Variants in EXT1 observed in about 807,000 individuals in gnomAD.
The protein encoded by EXT1 is exostosin-1.
In EXT1, 20 loss-of-function variants were observed where a neutral mutation model predicts 82.5. The ratio of observed to expected loss-of-function variants is 0.24; its 90% confidence interval spans 0.17 to 0.35. The LOEUF (loss-of-function observed/expected upper bound fraction) is 0.35. Among genes scored for constraint, EXT1 ranks in the 10% least tolerant of loss-of-function variants. EXT1 has a pLI of 1.00. For missense variants in EXT1, 757 were observed against 936.5 expected (o/e 0.81, Z 2.50); for synonymous variants, 348 against 350.8 (o/e 0.99, Z 0.09).
At chr8:118,015,864 T>C (rs1815993404) in intron 1 of EXT1, among the ~76,000 whole-genome samples, 1 of 152,076 alleles carries the variant, frequency 6.6e-6, no homozygotes, top group African/African-American at 2.4e-5. Flanking sequence ...AAGAAGAGAA[T>C]GCCATGTGAA....
chr8:118,066,052 C>T (rs147395366), intron 1 of EXT1, among the ~76,000 whole-genome samples: 40 of 152,294 alleles, frequency 2.6e-4, no homozygotes, highest in Non-Finnish European at 5.0e-4. Flanking sequence ...GCTATCACAT[C>T]TGTTTGAAAA....
chr8:118,084,719 G>A (rs1219470288), intron 1 of EXT1, among the ~76,000 whole-genome samples: 1 of 152,184 alleles, frequency 6.6e-6, no homozygotes, highest in African/African-American at 2.4e-5. Flanking sequence ...TGATTCCAGA[G>A]CCCAGTTCAT....
At chr8:117,923,725 CAAA>C (rs1194258802) in intron 1 of EXT1, among the ~76,000 whole-genome samples, 5 of 108,954 alleles carry the variant, frequency 4.6e-5, no homozygotes, top group Admixed American at 2.0e-4. Context: ...GACTCTGTCT[CAAA>C]AAAAAAAAAA....
chr8:117,988,860 C>G (rs1479549401), intron 1 of EXT1, among the ~76,000 whole-genome samples: 1 of 152,142 alleles, frequency 6.6e-6, no homozygotes, highest in East Asian at 1.9e-4. Flanking sequence ...CACACAGAGA[C>G]AGTCTAGGGG....
chr8:118,095,561 A>G (rs1454478816), intron 1 of EXT1, among the ~76,000 whole-genome samples: 1 of 152,224 alleles, frequency 6.6e-6, no homozygotes, highest in East Asian at 1.9e-4. Flanking sequence ...CATGTAGCAT[A>G]TAAGAAATGG....
At chr8:117,915,405 C>A (rs1198073392) in intron 1 of EXT1, among the ~76,000 whole-genome samples, 1 of 151,758 alleles carries the variant, frequency 6.6e-6, no homozygotes, top group Non-Finnish European at 1.5e-5. Flanking sequence ...CTCCCTCATT[C>A]TTCTAAAATC....
At chr8:117,977,595 C>A (rs1815094063) in intron 1 of EXT1, among the ~76,000 whole-genome samples, 1 of 152,040 alleles carries the variant, frequency 6.6e-6, no homozygotes, top group Non-Finnish European at 1.5e-5. Flanking sequence ...CAGCTGGATA[C>A]AAAGAACATA....
chr8:118,080,338 TCTTCTCTTATCTATTA>T (rs1263101941), intron 1 of EXT1, among the ~76,000 whole-genome samples: 1 of 152,186 alleles, frequency 6.6e-6, no homozygotes. Context: ...CACTCAAACT[TCTTCTCTTATCTATTA>T]ATTTCACCAT....
chr8:118,080,048 G>GCAAA (rs1817284443), intron 1 of EXT1, among the ~76,000 whole-genome samples: 1 of 152,156 alleles, frequency 6.6e-6, no homozygotes, highest in Non-Finnish European at 1.5e-5. Context: ...GGTTGAAAAG[G>GCAAA]CAAAAGTGGT....
intron 1 of EXT1, among the ~76,000 whole-genome samples, chr8:118,067,702 A>G (rs1247727252): frequency 1.3e-5 from 2 of 152,242 alleles, no homozygotes; most frequent in African/African-American, 4.8e-5. Flanking sequence ...CAGCAAGGAT[A>G]AGACCAGTTA....
intron 1 of EXT1, among the ~76,000 whole-genome samples, chr8:118,012,195 G>A (rs1241910721): frequency 6.6e-6 from 1 of 152,332 alleles, no homozygotes; most frequent in African/African-American, 2.4e-5. Flanking sequence ...TCAATGAAGC[G>A]CAGGCCAGAT....
chr8:117,807,729 A>G (rs965701122), intron 8 of EXT1, among the ~76,000 whole-genome samples: 1 of 152,202 alleles, frequency 6.6e-6, no homozygotes, highest in Non-Finnish European at 1.5e-5. Context: ...GTGAGACACA[A>G]ACACATCTGT....
intron 1 of EXT1, among the ~76,000 whole-genome samples, chr8:117,903,440 A>T (rs1196205056): frequency 6.6e-6 from 1 of 152,174 alleles, no homozygotes; most frequent in Non-Finnish European, 1.5e-5. Flanking sequence ...TAAAAACTCT[A>T]TGTTTATTGT....
At chr8:118,058,238 T>C (rs1386827999) in intron 1 of EXT1, among the ~76,000 whole-genome samples, 1 of 152,114 alleles carries the variant, frequency 6.6e-6, no homozygotes, top group Non-Finnish European at 1.5e-5. Flanking sequence ...TCTGAATTAA[T>C]TTTCTAAGGT....
In EXT1 at chr8:117,795,595, G is replaced by C. The variant is rs180958255; in HGVS notation, c.*4117C>G. On this transcript the variant is annotated 3_prime_UTR_variant, in exon 11 of 11. Transcript: ENST00000378204. Reference sequence around the variant, plus strand: ...GTGGATCACCTGAGGTCAGGAGTTTGAGACCAGCCTGGCCAACATAGCAAA... The same window carrying C: ...GTGGATCACCTGAGGTCAGGAGTTTCAGACCAGCCTGGCCAACATAGCAAA... The C allele has an allele frequency of 6.6e-6, 1 of 151,634 alleles. No individual in the cohort carries two copies. The highest frequency in any genetic ancestry group is 6.6e-5 in the Admixed American group (1 of 15,240). 9.4% of individuals were successfully genotyped at this position (151,634 alleles called of 1,614,324 possible). A position where few individuals can be genotyped will look rare whatever the true frequency, so the allele number is the denominator to read the frequency against.
intron 1 of EXT1, among the ~76,000 whole-genome samples, chr8:118,063,974 C>T (rs1015295408): frequency 3.3e-5 from 5 of 152,178 alleles, no homozygotes; most frequent in African/African-American, 1.2e-4. Flanking sequence ...TCAAGCGATT[C>T]TCCTGCCTCA....
At chr8:118,047,374 ATAG>A (rs1426855666) in intron 1 of EXT1, among the ~76,000 whole-genome samples, 1 of 152,174 alleles carries the variant, frequency 6.6e-6, no homozygotes, top group Non-Finnish European at 1.5e-5. Context: ...GGAAATCATA[ATAG>A]TACTTAACCC....
rs1259838470 is a variant in EXT1 at position 118,093,278 on chromosome 8, A to AG, written c.962+16806_962+16807insC. ...CAGAAAAATTCCCAGCAAAAAAAAA[A>AG]AAAAAAAAAAAAGATTTGAAATTTG... On this transcript the variant is annotated intron_variant, in intron 1 of 10. Coordinates refer to ENST00000378204, the MANE Select transcript of EXT1 (RefSeq NM_000127.3). 2.5e-3 allele frequency among the ~76,000 whole-genome samples: 377 copies of AG among 151,564 alleles called. 7 individuals are homozygous for AG. Among genetic ancestry groups the AG allele is most frequent in the Admixed American group, 0.017 (265 of 15,168 alleles).
chr8:117,986,860 A>G (rs1463324892), intron 1 of EXT1, among the ~76,000 whole-genome samples: 2 of 152,228 alleles, frequency 1.3e-5, no homozygotes, highest in Admixed American at 6.5e-5. Context: ...ACACCATCAC[A>G]TCTCAAAATG....
Sources: allele counts gnomAD v4.1 joint callset (sites outside exome capture counted in the v4.1 genomes callset), GRCh38; gene constraint gnomAD v4.1.1; transcripts MANE v1.5; gene names NCBI Gene and HGNC (gene_info 2026-07-23, HGNC 2026-07-21).